Variants in ENTREP3 observed in about 807,000 individuals in gnomAD.
ENTREP3 encodes the protein protein ENTREP3.
chr1:155,250,077 C>A, the ENTREP3 span, among the ~76,000 whole-genome samples: 56,290 of 151,492 alleles, frequency 0.37, 12,547 homozygotes, highest in East Asian at 0.71. The surrounding 1 kb of genome is among the most constrained non-coding windows in gnomAD (Gnocchi z 5.4). Flanking sequence ...AAAAAAAATT[C>A]TCCTTTTTTA....
chr1:155,254,720 A>G, the ENTREP3 span: 57 of 1,613,368 alleles, frequency 3.5e-5, no homozygotes, highest in Non-Finnish European at 4.4e-5. This position sits in a 1 kb window ranked among gnomAD's most constrained non-coding sequence, Gnocchi z 4.4. Context: ...AGAGGCCACC[A>G]TGCTGAAGGT....
At chr1:155,250,598 T>TGGGGGGCGCCGTGGC in the ENTREP3 span, 1 of 1,606,996 alleles carries the variant, frequency 6.2e-7, no homozygotes. This position sits in a 1 kb window ranked among gnomAD's most constrained non-coding sequence, Gnocchi z 5.4. Context: ...GGGCAGCCCG[T>TGGGGGGCGCCGTGGC]GGGGGGCGCC....
the ENTREP3 span, chr1:155,255,087 C>T: frequency 3.3e-6 from 2 of 597,500 alleles, no homozygotes; most frequent in Non-Finnish European, 6.0e-6. This position sits in a 1 kb window ranked among gnomAD's most constrained non-coding sequence, Gnocchi z 5.6. Flanking sequence ...AGTGCTCCCT[C>T]CCCACCACGG....
At chr1:155,250,833 A>AG in the ENTREP3 span, 2 of 1,590,328 alleles carry the variant, frequency 1.3e-6, no homozygotes, top group Non-Finnish European at 1.7e-6. The surrounding 1 kb of genome is among the most constrained non-coding windows in gnomAD (Gnocchi z 5.4). Context: ...TGTGGGCGGC[A>AG]GGGGGCGCTG....
the ENTREP3 span, chr1:155,252,184 T>C: frequency 2.5e-6 from 1 of 393,494 alleles, no homozygotes. Flanking sequence ...TGTCCACCCT[T>C]TAGCCTCACC....
chr1:155,253,482 C>A, the ENTREP3 span: 1 of 612,390 alleles, frequency 1.6e-6, no homozygotes. Context: ...ATCCATTCCT[C>A]CAATAGATGA....
chr1:155,251,783 C>A, the ENTREP3 span: 3 of 1,600,634 alleles, frequency 1.9e-6, no homozygotes, highest in Non-Finnish European at 2.6e-6. Context: ...GATAGTAGGG[C>A]GGTGGGGGCA....
chr1:155,254,158 T>G, the ENTREP3 span: 1 of 1,613,886 alleles, frequency 6.2e-7, no homozygotes, highest in Admixed American at 1.7e-5. The surrounding 1 kb of genome is among the most constrained non-coding windows in gnomAD (Gnocchi z 4.4). Context: ...ATGCTAAGCA[T>G]GACACAGAGC....
At chr1:155,248,574 T>C in the ENTREP3 span, 257,209 of 919,122 alleles carry the variant, frequency 0.28, 41,326 homozygotes, top group East Asian at 0.73. Context: ...CTTTCACAGC[T>C]CCCACGCTCC....
At chr1:155,247,347 T>G in the ENTREP3 span, 7 of 473,948 alleles carry the variant, frequency 1.5e-5, no homozygotes, top group Non-Finnish European at 2.5e-5. Flanking sequence ...CAGCTAGAGG[T>G]GGCAGAGCTG....
chr1:155,254,046 C>A, the ENTREP3 span: 24 of 1,613,608 alleles, frequency 1.5e-5, no homozygotes, highest in East Asian at 5.3e-4. The surrounding 1 kb of genome is among the most constrained non-coding windows in gnomAD (Gnocchi z 4.4). Context: ...ACACCTCCCC[C>A]AGCCAGTTCT....
chr1:155,250,598 T>TG, the ENTREP3 span: 11 of 1,606,994 alleles, frequency 6.8e-6, no homozygotes, highest in Non-Finnish European at 7.6e-6. The surrounding 1 kb of genome is among the most constrained non-coding windows in gnomAD (Gnocchi z 5.4). Context: ...GGGCAGCCCG[T>TG]GGGGGGCGCC....
chr1:155,248,332 TA>T, the ENTREP3 span: 3 of 1,613,028 alleles, frequency 1.9e-6, no homozygotes, highest in African/African-American at 4.0e-5. Flanking sequence ...AAGAGAATGG[TA>T]TTGTAGGGTG....
the ENTREP3 span, chr1:155,254,595 G>A: frequency 6.4e-7 from 1 of 1,569,008 alleles, no homozygotes; most frequent in Admixed American, 1.7e-5. The surrounding 1 kb of genome is among the most constrained non-coding windows in gnomAD (Gnocchi z 4.4). Context: ...CTTGCAGCTG[G>A]TGTGGAGGGT....
At chr1:155,250,371 G>A in the ENTREP3 span, 85 of 1,545,284 alleles carry the variant, frequency 5.5e-5, no homozygotes, top group Admixed American at 3.4e-4. The surrounding 1 kb of genome is among the most constrained non-coding windows in gnomAD (Gnocchi z 5.4). Flanking sequence ...GTGCCCCGGT[G>A]GGGTGAGGGA....
the ENTREP3 span, chr1:155,251,006 C>T: frequency 8.0e-6 from 11 of 1,366,712 alleles, no homozygotes; most frequent in African/African-American, 1.4e-5. Context: ...CCACCAACTC[C>T]GCCTTGTTTT....
chr1:155,253,595 T>C, the ENTREP3 span: 1 of 1,524,662 alleles, frequency 6.6e-7, no homozygotes. Flanking sequence ...CCACCATACC[T>C]GCGTGCCCTG....
At chr1:155,255,178 C>T in the ENTREP3 span, 1 of 519,370 alleles carries the variant, frequency 1.9e-6, no homozygotes. This position sits in a 1 kb window ranked among gnomAD's most constrained non-coding sequence, Gnocchi z 5.6. Flanking sequence ...GGAAGAGGGG[C>T]ACCGAGAAGG....
the ENTREP3 span, chr1:155,250,406 A>T: frequency 1.3e-5 from 9 of 668,898 alleles, no homozygotes; most frequent in East Asian, 5.6e-4. This position sits in a 1 kb window ranked among gnomAD's most constrained non-coding sequence, Gnocchi z 5.4. Context: ...TGAAGCGACG[A>T]GTCGGGGCTC....
Sources: gnomAD v4.1 joint callset for allele counts (sites outside exome capture counted in the v4.1 genomes callset) on GRCh38, gnomAD v4.1.1 for gene constraint, Gnocchi (gnomAD v3.1) non-coding constraint, MANE v1.5 for transcripts, NCBI Gene and HGNC (gene_info 2026-07-23, HGNC 2026-07-21) for gene names.